Variants in SORCS1 observed in about 807,000 individuals in gnomAD.
SORCS1 encodes the protein VPS10 domain-containing receptor SorCS1.
In SORCS1, 60 loss-of-function variants were observed where a neutral mutation model predicts 146.1. That is an observed-to-expected ratio of 0.41 (90% CI 0.33 to 0.51). The LOEUF (loss-of-function observed/expected upper bound fraction) is 0.51, where lower values mean the gene tolerates loss of function less well. SORCS1 is among the 20% of genes least tolerant of loss of function. The probability of loss-of-function intolerance (pLI) is 0.21; values close to 1 mark genes in which losing one functional copy is unlikely to be tolerated. For synonymous variants in SORCS1, 637 were observed against 584.0 expected (o/e 1.09, Z -1.31); for missense variants, 1,352 against 1,487.6 (o/e 0.91, Z 1.50).
At chr10:107,112,681 T>C (rs953982252) in intron 1 of SORCS1, among the ~76,000 whole-genome samples, 4 of 151,570 alleles carry the variant, frequency 2.6e-5, no homozygotes, top group African/African-American at 9.7e-5. Flanking sequence ...AGTAAAAAAA[T>C]AGAAAAAGGT....
At chr10:106,590,229 C>T (rs1284725291) in intron 24 of SORCS1, among the ~76,000 whole-genome samples, 1 of 152,074 alleles carries the variant, frequency 6.6e-6, no homozygotes, top group African/African-American at 2.4e-5. Context: ...TCCTATTCAA[C>T]CTTAAAGACT....
At chr10:106,957,228 C>T (rs1328647268) in intron 1 of SORCS1, among the ~76,000 whole-genome samples, 3 of 144,902 alleles carry the variant, frequency 2.1e-5, no homozygotes, top group South Asian at 4.5e-4. Context: ...TACTGGAGTG[C>T]AGTGGCACGA....
At chr10:107,124,037 A>G (rs1966556530) in intron 1 of SORCS1, among the ~76,000 whole-genome samples, 1 of 151,122 alleles carries the variant, frequency 6.6e-6, no homozygotes, top group Non-Finnish European at 1.5e-5. Context: ...CAGTGAGCCG[A>G]GGTCCTGCCA....
At chr10:106,767,061 C>T (rs1859625572) in intron 4 of SORCS1, among the ~76,000 whole-genome samples, 1 of 152,110 alleles carries the variant, frequency 6.6e-6, no homozygotes, top group African/African-American at 2.4e-5. Context: ...ACAAAGAGAG[C>T]CTGGAACCAG....
chr10:107,036,455 A>G (rs1450902965), intron 1 of SORCS1, among the ~76,000 whole-genome samples: 1 of 152,186 alleles, frequency 6.6e-6, no homozygotes, highest in Non-Finnish European at 1.5e-5. Flanking sequence ...AACCAGTGCC[A>G]GTATTCTCTA....
intron 1 of SORCS1, among the ~76,000 whole-genome samples, chr10:107,024,699 CTTGTT>C (rs1321363673): frequency 6.6e-6 from 1 of 152,092 alleles, no homozygotes; most frequent in Non-Finnish European, 1.5e-5. Context: ...CCTGGTCAAT[CTTGTT>C]TTATTTGTAC....
At chr10:107,027,580 C>A (rs1210619199) in intron 1 of SORCS1, among the ~76,000 whole-genome samples, 2 of 152,138 alleles carry the variant, frequency 1.3e-5, no homozygotes, top group South Asian at 2.1e-4. Flanking sequence ...AGTCATAAAC[C>A]ATTACACTCA....
At chr10:106,720,361 C>A (rs967623945) in intron 6 of SORCS1, among the ~76,000 whole-genome samples, 1 of 151,618 alleles carries the variant, frequency 6.6e-6, no homozygotes, top group Non-Finnish European at 1.5e-5. Flanking sequence ...TCTTTGTAAG[C>A]CCCACTTCCC....
intron 3 of SORCS1, among the ~76,000 whole-genome samples, chr10:106,828,346 T>C (rs961025343): frequency 2.0e-5 from 3 of 152,188 alleles, no homozygotes; most frequent in African/African-American, 7.2e-5. Flanking sequence ...ATCAGAAGCA[T>C]CTGGGGAGCT....
At chr10:107,074,776 T>C in intron 1 of SORCS1, among the ~76,000 whole-genome samples, 1 of 152,158 alleles carries the variant, frequency 6.6e-6, no homozygotes, top group East Asian at 1.9e-4. Flanking sequence ...TTGTTTTAAT[T>C]TGCATTTCCC....
chr10:106,589,685 G>T (rs1370642340), intron 24 of SORCS1, among the ~76,000 whole-genome samples: 3 of 115,918 alleles, frequency 2.6e-5, no homozygotes, highest in South Asian at 2.9e-4. Context: ...CAAATTTATC[G>T]TCTTTGACGA....
chr10:106,601,977 C>T (rs1846270111), intron 23 of SORCS1, among the ~76,000 whole-genome samples: 2 of 152,082 alleles, frequency 1.3e-5, no homozygotes, highest in South Asian at 4.1e-4. Context: ...GGTTACCACA[C>T]AAAGAACACA....
intron 23 of SORCS1, among the ~76,000 whole-genome samples, chr10:106,605,966 G>A (rs1485399575): frequency 1.3e-5 from 2 of 152,264 alleles, no homozygotes; most frequent in East Asian, 3.9e-4. Flanking sequence ...TAGATTATGG[G>A]TTTAGTAAAC....
At chr10:106,632,697 C>A (rs1020176269) in intron 18 of SORCS1, among the ~76,000 whole-genome samples, 8 of 152,048 alleles carry the variant, frequency 5.3e-5, no homozygotes, top group African/African-American at 1.9e-4. Context: ...GCTTACAGAC[C>A]ACTAGTGAAA....
At chr10:106,993,767 T>C (rs897335380) in intron 1 of SORCS1, among the ~76,000 whole-genome samples, 8 of 151,892 alleles carry the variant, frequency 5.3e-5, no homozygotes, top group African/African-American at 1.9e-4. Context: ...AGAAGGGAAA[T>C]TTTCATATAT....
chr10:106,588,860 CAAAAAAAA>C (rs778852501), intron 24 of SORCS1, among the ~76,000 whole-genome samples: 6 of 35,116 alleles, frequency 1.7e-4, no homozygotes, highest in African/African-American at 2.4e-4. Context: ...GACTCCATCT[CAAAAAAAA>C]AAAAAAAAAA....
intron 1 of SORCS1, among the ~76,000 whole-genome samples, chr10:106,967,870 T>C (rs1955573119): frequency 6.6e-6 from 1 of 151,698 alleles, no homozygotes. Context: ...TAAGGAAATA[T>C]TTATTGTATT....
rs576563244 is a variant in SORCS1, at chr10:107,082,049, C to A, written c.558+81920G>T. 1.7e-4 allele frequency among the ~76,000 whole-genome samples: 26 copies of A among 152,342 alleles called. No individual in the cohort carries two copies. In the South Asian group the frequency reaches 5.2e-3, roughly 30 times the overall value. On this transcript the variant is annotated intron_variant, in intron 1 of 25. Coordinates refer to ENST00000263054, the MANE Select transcript of SORCS1 (RefSeq NM_052918.5). The stretch of plus-strand genomic sequence containing the variant: ...AGTTTCCCATTTGGCATGTTTGAAG[C>A]AATAGCACCATTTCTTAATTGTCCA...
intron 14 of SORCS1, 55 bp from the exon 15 acceptor site, chr10:106,673,040 T>C (rs1656422427): frequency 1.4e-6 from 2 of 1,419,752 alleles, no homozygotes; most frequent in African/African-American, 2.8e-5. Context: ...TAATGAGTAA[T>C]AACAACAGAG....
Sources: allele counts gnomAD v4.1 joint callset (sites outside exome capture counted in the v4.1 genomes callset), GRCh38; gene constraint gnomAD v4.1.1; transcripts MANE v1.5; gene names NCBI Gene and HGNC (gene_info 2026-07-23, HGNC 2026-07-21).